The following LIN9 variants were observed in gnomAD, a reference collection of about 807,000 sequenced individuals.
The protein encoded by LIN9 is lin-9 DREAM MuvB core complex component, also known as protein lin-9 homolog.
LIN9 carries 18 observed loss-of-function variants against 78.0 expected under a neutral mutation model. The ratio of observed to expected loss-of-function variants is 0.23; its 90% CI spans 0.16 to 0.34. The LOEUF (loss-of-function observed/expected upper bound fraction) is 0.34. Among genes scored for constraint, LIN9 ranks in the 10% least tolerant of loss-of-function variants. The pLI is 1.00. For missense variants in LIN9, 451 were observed against 644.1 expected (o/e 0.70, Z 3.25); for synonymous variants, 192 against 215.2 (o/e 0.89, Z 0.94).
At chr1:226,284,110 T>C (rs1476506588) in intron 6 of LIN9, among the ~76,000 whole-genome samples, 2 of 152,202 alleles carry the variant, frequency 1.3e-5, no homozygotes, top group African/African-American at 2.4e-5. Context: ...CTTGTTTTTT[T>C]CTATAGACTA....
At chr1:226,298,582 C>T (rs1662305061) in intron 2 of LIN9, among the ~76,000 whole-genome samples, 1 of 152,164 alleles carries the variant, frequency 6.6e-6, no homozygotes, top group African/African-American at 2.4e-5. Context: ...GAAATTAGGC[C>T]AGGTGCAATG....
intron 2 of LIN9, 114 bp downstream of exon 2, chr1:226,301,059 C>G (rs959393150): frequency 1.7e-5 from 11 of 642,098 alleles, no homozygotes; most frequent in Non-Finnish European, 2.5e-5. Flanking sequence ...AAAACCAATA[C>G]TGAAAAGCTA....
chr1:226,241,857 CAAA>C (rs371331787), intron 11 of LIN9, among the ~76,000 whole-genome samples: 1 of 114,680 alleles, frequency 8.7e-6, no homozygotes, highest in Non-Finnish European at 1.9e-5. Context: ...GACTCTGTTT[CAAA>C]AAAAAAAAAG....
upstream of LIN9, chr1:226,309,290 G>T: frequency 9.3e-7 from 1 of 1,074,004 alleles, no homozygotes; most frequent in Non-Finnish European, 1.1e-6. Flanking sequence ...AGGCGGGCCC[G>T]GCTCCGCCCG....
chr1:226,267,422 CAAAAAAAAA>C (rs10679567), intron 8 of LIN9, among the ~76,000 whole-genome samples: 1 of 91,402 alleles, frequency 1.1e-5, no homozygotes, highest in African/African-American at 4.4e-5. Flanking sequence ...GACTCCGTCT[CAAAAAAAAA>C]AAAAAAAAAA....
intron 7 of LIN9, 78 bp from the exon 8 acceptor site, chr1:226,268,168 A>C (rs1660050166): frequency 7.2e-7 from 1 of 1,389,224 alleles, no homozygotes; most frequent in African/African-American, 1.4e-5. Context: ...CAAGCATGTA[A>C]TTTAAATCAT....
At chr1:226,305,315 GAAAAAAAAAAAAAAAA>G (rs111859953) in intron 1 of LIN9, among the ~76,000 whole-genome samples, 1 of 77,536 alleles carries the variant, frequency 1.3e-5, no homozygotes, top group Non-Finnish European at 2.6e-5. Flanking sequence ...ACAAAAAAAA[GAAAAAAAAAAAAAAAA>G]AAAAAAAAAA....
chr1:226,233,002 G>A, intron 14 of LIN9, 94 bp downstream of exon 14: 6 of 696,770 alleles, frequency 8.6e-6, no homozygotes, highest in Non-Finnish European at 1.5e-5. Context: ...AATAATATAT[G>A]AGTACTTCAC....
intron 5 of LIN9, among the ~76,000 whole-genome samples, chr1:226,287,071 C>T (rs1661420713): frequency 6.6e-6 from 1 of 151,998 alleles, no homozygotes; most frequent in Non-Finnish European, 1.5e-5. Flanking sequence ...GTATAGAAAA[C>T]AGAGAAGGGA....
chr1:226,293,258 A>G (rs890439371), intron 4 of LIN9, among the ~76,000 whole-genome samples: 1 of 152,176 alleles, frequency 6.6e-6, no homozygotes, highest in Admixed American at 6.5e-5. Flanking sequence ...ATCCTACATT[A>G]TATTTGTTCT....
At chr1:226,266,111 G>A in intron 9 of LIN9, 102 bp downstream of exon 9, 3 of 607,294 alleles carry the variant, frequency 4.9e-6, no homozygotes, top group Non-Finnish European at 7.7e-6. Context: ...TCAAAATAGT[G>A]TGCATACTTT....
chr1:226,278,194 T>C (rs190857399), intron 6 of LIN9, among the ~76,000 whole-genome samples: 207 of 151,764 alleles, frequency 1.4e-3, no homozygotes, highest in African/African-American at 4.7e-3. Flanking sequence ...TTTGGGAGGC[T>C]GAGGCGGACA....
At chr1:226,267,230 G>GATATATATATATATAT (rs4012808) in intron 8 of LIN9, among the ~76,000 whole-genome samples, 4 of 137,700 alleles carry the variant, frequency 2.9e-5, no homozygotes, top group East Asian at 2.1e-4. Context: ...GCACTAAGGA[G>GATATATATATATATAT]ATATATATAT....
At chr1:226,250,720 A>T in intron 11 of LIN9, 119 bp downstream of exon 11, 1 of 610,858 alleles carries the variant, frequency 1.6e-6, no homozygotes, top group Non-Finnish European at 2.8e-6. Flanking sequence ...ATGAGGATTT[A>T]AAAATAATAT....
At chr1:226,307,494 G>T (rs140229707) in intron 1 of LIN9, among the ~76,000 whole-genome samples, 1,606 of 152,316 alleles carry the variant, frequency 0.011, 23 homozygotes, top group African/African-American at 0.036. Flanking sequence ...AAATTAGGCA[G>T]GCGTGGTGGC....
intron 1 of LIN9, among the ~76,000 whole-genome samples, chr1:226,305,697 G>C (rs892362018): frequency 4.6e-5 from 7 of 152,056 alleles, no homozygotes; most frequent in Non-Finnish European, 8.8e-5. Flanking sequence ...CGAGTATCGG[G>C]AATGAAAAAG....
At chr1:226,290,727 T>C (rs1392111606) in intron 4 of LIN9, among the ~76,000 whole-genome samples, 1 of 152,158 alleles carries the variant, frequency 6.6e-6, no homozygotes, top group Non-Finnish European at 1.5e-5. Flanking sequence ...GGAACTCTAA[T>C]ATATATAAAC....
At chr1:226,289,812 C>G (rs936829080) in intron 4 of LIN9, among the ~76,000 whole-genome samples, 1 of 112,902 alleles carries the variant, frequency 8.9e-6, no homozygotes, top group Non-Finnish European at 1.7e-5. Context: ...ATAAATGTTA[C>G]TAGGACAACT....
At position 226,297,533 on chromosome 1, in the gene LIN9, T is replaced by C. The variant is rs141695629; in HGVS notation, c.159+186A>G. Among the ~76,000 whole-genome samples the C allele has an allele frequency of 6.3e-3, 965 of 152,346 alleles. 9 individuals carry two copies. The highest frequency in any genetic ancestry group is 0.022 in the African/African-American group (931 of 41,582). On this transcript the variant is annotated intron_variant, in intron 3 of 14. Coordinates refer to ENST00000681046, the MANE Select transcript of LIN9 (RefSeq NM_001366245.2). ...ACACAATTACTGAACAAATGCTTAC[T>C]GATGACCAGATTATCACTGGGTACA...
Sources: gnomAD v4.1 joint callset for allele counts (sites outside exome capture counted in the v4.1 genomes callset) on GRCh38, gnomAD v4.1.1 for gene constraint, MANE v1.5 for transcripts, NCBI Gene and HGNC (gene_info 2026-07-23, HGNC 2026-07-21) for gene names.